Variants in GSN observed in about 807,000 individuals in gnomAD.
GSN encodes the protein actin-depolymerizing factor.
In GSN, 56 loss-of-function variants were observed where a neutral mutation model predicts 85.7. The ratio of observed to expected loss-of-function variants is 0.65; its 90% CI spans 0.53 to 0.82. The LOEUF is 0.82. Ranked by LOEUF, GSN falls within the 40% of genes least tolerant of loss-of-function variation. GSN has a pLI of 0.00. For missense variants in GSN, 857 were observed against 979.8 expected, an observed-to-expected ratio of 0.87 and a Z score of 1.67; for synonymous variants, 373 against 399.1, an observed-to-expected ratio of 0.93 and a Z score of 0.78.
intron 5 of GSN, chr9:121,311,390 C>T (rs1301049692): frequency 1.7e-5 from 3 of 176,474 alleles, no homozygotes; most frequent in Non-Finnish European, 3.7e-5. Flanking sequence ...GGCCCTTCTA[C>T]CCCAAAGCTC....
chr9:121,237,073 A>G (rs758066129), intron 5 of GSN, among the ~76,000 whole-genome samples: 5 of 152,212 alleles, frequency 3.3e-5, no homozygotes, highest in Non-Finnish European at 5.9e-5. Context: ...GAAACTCAGT[A>G]AAGGTCACCA....
intron 17 of GSN, 177 bp downstream of exon 17, chr9:121,331,625 GA>G (rs2063917957): frequency 1.7e-6 from 1 of 595,710 alleles, no homozygotes; most frequent in Admixed American, 2.9e-5. Context: ...GGATAGTGAA[GA>G]ACACATCAGT....
rs576598485 is a variant in GSN, at chr9:121,252,991, A to G, written c.-341+4668A>G. Reference sequence around the variant, plus strand: ...TCACAGTTCTAGAGGCTGGAAGTCTAAGATCAGGGTGCCAGCATAGTTGGG... The same window carrying G: ...TCACAGTTCTAGAGGCTGGAAGTCTGAGATCAGGGTGCCAGCATAGTTGGG... On this transcript the variant is annotated intron_variant, in intron 6 of 24. Transcript: ENST00000373823. Among the ~76,000 whole-genome samples, 3 of 152,346 alleles carry G rather than the reference A, an allele frequency of 2.0e-5. No individual in the cohort carries two copies. In the East Asian group the frequency reaches 5.8e-4, roughly 29 times the overall value.
chr9:121,324,547 C>T lies in GSN; in HGVS notation c.1326-7C>T, dbSNP rs1324817086. ...ACCCTGATGCTGAATCTCACTTCCC[C>T]TTCCAGGCAGGGTGCCCAGTCTACC... On this transcript the variant is annotated splice_polypyrimidine_tract_variant and splice_region_variant and intron_variant, in intron 11 of 17. Transcript: ENST00000432226. 2 of 1,476,590 alleles carry T rather than the reference C, an allele frequency of 1.4e-6. No homozygotes were observed. The highest frequency in any genetic ancestry group is 1.9e-6 in the Non-Finnish European group (2 of 1,080,288). The allele number at this position is 1,476,590 out of a possible 1,614,324, so 91.5% of individuals were successfully genotyped here.
chr9:121,238,833 TCTC>T (rs1157921237), intron 5 of GSN: 1 of 529,556 alleles, frequency 1.9e-6, no homozygotes, highest in Non-Finnish European at 3.9e-6. Context: ...AAGGGCTTCT[TCTC>T]CAACTACAGC....
Position 121,251,902 on chromosome 9 carries a change from A to G in GSN, c.-341+3579A>G, listed in dbSNP as rs372972013. Among the ~76,000 whole-genome samples, 14 of 152,218 alleles carry G rather than the reference A, an allele frequency of 9.2e-5. No homozygotes were observed. In the East Asian group the frequency reaches 1.5e-3, roughly 17 times the overall value. ...CTTGAACCCGGGAGGCAGAGGTTGC[A>G]GTGAGCCGAGATCATGCCATTGCAC... is the stretch of plus-strand genomic sequence containing the variant. On this transcript the variant is annotated intron_variant, in intron 6 of 24. Transcript: ENST00000373823.
chr9:121,239,858 A>G (rs2054568907), intron 5 of GSN: 2 of 217,772 alleles, frequency 9.2e-6, no homozygotes, highest in South Asian at 1.6e-4. Context: ...TGTGCCATCT[A>G]GTAATGTCCA....
intron 11 of GSN, among the ~76,000 whole-genome samples, 164 bp downstream of exon 11, chr9:121,321,565 A>G (rs554072594): frequency 1.9e-4 from 29 of 152,264 alleles, no homozygotes; most frequent in African/African-American, 6.0e-4. Context: ...TCTCCAAACA[A>G]CTTTGAAACT....
At chr9:121,224,901 C>G (rs1389201077) in intron 4 of GSN, among the ~76,000 whole-genome samples, 1 of 152,160 alleles carries the variant, frequency 6.6e-6, no homozygotes, top group Non-Finnish European at 1.5e-5. Context: ...TCACTGCAGC[C>G]TTATTCTCCT....
chr9:121,263,888 CAAAAAAAAAA>C (rs34342246), upstream of GSN, among the ~76,000 whole-genome samples: 1 of 70,550 alleles, frequency 1.4e-5, no homozygotes, highest in African/African-American at 6.1e-5. Context: ...AACTCCATCT[CAAAAAAAAAA>C]AAAAAAAAAA....
Position 121,255,873 on chromosome 9 carries a change from G to A in GSN, c.-341+7550G>A, listed in dbSNP as rs188841391. Reference sequence around the variant, plus strand: ...GAACTGCTGGATCATAGAGAATAGCGGTTCCAATTGTCCTTTTTCATCTTG... The same window carrying A: ...GAACTGCTGGATCATAGAGAATAGCAGTTCCAATTGTCCTTTTTCATCTTG... On this transcript the variant is annotated intron_variant, in intron 6 of 24. Transcript: ENST00000373823. Among the ~76,000 whole-genome samples the A allele has an allele frequency of 2.5e-3, 374 of 152,218 alleles. 8 individuals carry two copies. Among genetic ancestry groups the A allele is most frequent in the Admixed American group, 4.6e-3 (71 of 15,284 alleles).
chr9:121,278,328 G>A (rs922611681), intron 1 of GSN, among the ~76,000 whole-genome samples: 8 of 152,158 alleles, frequency 5.3e-5, no homozygotes, highest in African/African-American at 1.9e-4. Context: ...TTGTTATTAG[G>A]GGTGGCCATT....
At chr9:121,327,581 C>T (rs1301011286) in intron 14 of GSN, 99 bp downstream of exon 14, 6 of 950,080 alleles carry the variant, frequency 6.3e-6, no homozygotes, top group Admixed American at 2.6e-5. Flanking sequence ...TCCCCTCCAT[C>T]CCACCTGAGG....
chr9:121,280,964 T>G (rs2057292162), intron 1 of GSN: 2 of 153,542 alleles, frequency 1.3e-5, no homozygotes, highest in African/African-American at 2.4e-5. Flanking sequence ...TGCCCTGTCC[T>G]GGATAGAGCT....
intron 5 of GSN, among the ~76,000 whole-genome samples, chr9:121,247,276 G>A (rs2054718375): frequency 6.6e-6 from 1 of 152,172 alleles, no homozygotes; most frequent in Non-Finnish European, 1.5e-5. Context: ...GGGAAAGAAA[G>A]GCTATATCAG....
At chr9:121,291,416 CTTTT>C (rs10615868) in intron 2 of GSN, among the ~76,000 whole-genome samples, 15 of 103,802 alleles carry the variant, frequency 1.4e-4, no homozygotes, top group Admixed American at 4.3e-4. Flanking sequence ...CCCCACTGGA[CTTTT>C]TTTTTTTTTT....
chr9:121,273,683 A>G (rs1372124684), intron 1 of GSN, among the ~76,000 whole-genome samples: 3 of 152,184 alleles, frequency 2.0e-5, no homozygotes, highest in East Asian at 3.9e-4. Context: ...GTTTTTTCTC[A>G]ACATTATATC....
chr9:121,256,158 GC>G (rs1454845067), intron 6 of GSN, among the ~76,000 whole-genome samples: 1 of 152,162 alleles, frequency 6.6e-6, no homozygotes, highest in African/African-American at 2.4e-5. Context: ...CCAAGTAAGA[GC>G]GGGAGGGGAA....
chr9:121,326,550 G>C lies in GSN; in HGVS notation c.1455G>C (p.Met485Ile). The C allele has an allele frequency of 6.2e-7, 1 of 1,614,036 alleles. No homozygotes were observed. The highest frequency in any genetic ancestry group is 1.1e-5 in the South Asian group (1 of 91,074). The change falls in exon 13 of 18, where the codon ATG becomes ATC. Residue 485 changes from methionine (M) to isoleucine (I), a missense_variant. Physicochemically the swap from Met to Ile is conservative, Grantham distance 10 (BLOSUM62 1). Transcript: ENST00000432226. ...AAGGCAAGGAGCCCGCCCACCTCATGAGCCTGTTTGGTGGGAAGCCCATGA... is the reference window on the plus strand; with the variant it reads ...AAGGCAAGGAGCCCGCCCACCTCATCAGCCTGTTTGGTGGGAAGCCCATGA... ...VVQGKEPAHL[M>I]SLFGGKPMII...
Sources: gnomAD v4.1 joint callset for allele counts (sites outside exome capture counted in the v4.1 genomes callset) on GRCh38, gnomAD v4.1.1 for gene constraint, MANE v1.5 for transcripts, NCBI Gene and HGNC (gene_info 2026-07-23, HGNC 2026-07-21) for gene names.